The following PTPRN2 variants were observed in gnomAD, a reference collection of about 807,000 sequenced individuals.
PTPRN2 encodes the protein receptor-type tyrosine-protein phosphatase N2.
PTPRN2 carries 74 observed loss-of-function variants against 118.8 expected under a neutral mutation model. The observed-to-expected ratio is 0.62, with a 90% CI of 0.52 to 0.76. PTPRN2 has a LOEUF of 0.76. PTPRN2 is among the 30% of genes least tolerant of loss of function. The probability of loss-of-function intolerance (pLI) is 0.00; values close to 1 mark genes in which losing one functional copy is unlikely to be tolerated. For missense variants in PTPRN2, 1,481 were observed against 1,394.4 expected, an observed-to-expected ratio of 1.06 and a Z score of -0.99; for synonymous variants, 641 against 608.0, an observed-to-expected ratio of 1.05 and a Z score of -0.80.
intron 3 of PTPRN2, among the ~76,000 whole-genome samples, chr7:158,311,982 G>GACACCCACACACATGCAC (rs1801798104): frequency 6.6e-6 from 1 of 151,300 alleles, no homozygotes. Context: ...CTCACATGTA[G>GACACCCACACACATGCAC]ACACCCACAC....
At chr7:157,940,933 C>T (rs1490464190) in intron 11 of PTPRN2, among the ~76,000 whole-genome samples, 1 of 50,052 alleles carries the variant, frequency 2.0e-5, no homozygotes, top group Non-Finnish European at 3.1e-5. Context: ...AAATCTAACA[C>T]CCTCCCCACC....
intron 2 of PTPRN2, among the ~76,000 whole-genome samples, chr7:158,330,860 A>T (rs1387227046): frequency 2.0e-5 from 2 of 99,584 alleles, no homozygotes; most frequent in East Asian, 3.3e-4. Flanking sequence ...ATAAGAGCTG[A>T]TGCCCGCAGA....
intron 11 of PTPRN2, among the ~76,000 whole-genome samples, chr7:157,968,382 C>T (rs917599784): frequency 1.3e-5 from 2 of 152,174 alleles, no homozygotes; most frequent in Non-Finnish European, 2.9e-5. Context: ...TGACTGGCAT[C>T]GTCTGCAGTA....
At position 157,540,265 on chromosome 7, in the gene PTPRN2, C is replaced by G. The variant is rs1330785370; in HGVS notation, c.*449G>C. 1 of 153,858 alleles carries G rather than the reference C, an allele frequency of 6.5e-6. No homozygotes were observed. Among genetic ancestry groups the G allele is most frequent in the Non-Finnish European group, 1.4e-5 (1 of 69,264 alleles). The allele number at this position is 153,858 out of a possible 1,614,324, so 9.5% of individuals were successfully genotyped here. A position where few individuals can be genotyped will look rare whatever the true frequency, so the allele number is the denominator to read the frequency against. ...TGATAAACTCTCTCAAAGAGAAATG[C>G]CAAACGTGCCTTGTGTGCCGGGCGG... On this transcript the variant is annotated 3_prime_UTR_variant, in exon 23 of 23. Transcript: ENST00000389418.
At chr7:157,800,992 T>C (rs570133347) in intron 12 of PTPRN2, among the ~76,000 whole-genome samples, 3 of 150,582 alleles carry the variant, frequency 2.0e-5, no homozygotes, top group East Asian at 1.9e-4. Context: ...TACACACACA[T>C]ATATATACAC....
At chr7:157,773,533 G>C (rs1405289002) in intron 12 of PTPRN2, among the ~76,000 whole-genome samples, 2 of 152,182 alleles carry the variant, frequency 1.3e-5, no homozygotes, top group South Asian at 4.1e-4. Context: ...AGCCCGCTGC[G>C]AGGGCCAGGG....
At chr7:157,895,549 A>G (rs918490619) in intron 12 of PTPRN2, among the ~76,000 whole-genome samples, 3 of 152,268 alleles carry the variant, frequency 2.0e-5, no homozygotes, top group African/African-American at 7.2e-5. Context: ...ATTACTAAAT[A>G]AAAATTTTTT....
chr7:157,899,657 T>C (rs544154516), intron 11 of PTPRN2, among the ~76,000 whole-genome samples: 4 of 152,192 alleles, frequency 2.6e-5, no homozygotes, highest in Non-Finnish European at 5.9e-5. Context: ...TAATCTGGGG[T>C]AATGAAATTA....
At chr7:158,557,328 G>GCGGCTCCCGCGCAGGTCAGA (rs1827104146) in intron 1 of PTPRN2, among the ~76,000 whole-genome samples, 1 of 136,406 alleles carries the variant, frequency 7.3e-6, no homozygotes, top group East Asian at 2.2e-4. Flanking sequence ...CGCAGGGCAG[G>GCGGCTCCCGCGCAGGTCAGA]CGGCTCCCGC....
intron 12 of PTPRN2, among the ~76,000 whole-genome samples, chr7:157,796,355 T>C (rs1804868078): frequency 6.6e-6 from 1 of 152,186 alleles, no homozygotes; most frequent in Admixed American, 6.5e-5. Flanking sequence ...GTGACATCCC[T>C]GTGGGGCCTT....
chr7:158,132,692 C>T (rs1051600232), intron 9 of PTPRN2, among the ~76,000 whole-genome samples: 8 of 151,936 alleles, frequency 5.3e-5, no homozygotes, highest in Non-Finnish European at 1.0e-4. Context: ...CACACATCTA[C>T]CCAACACACA....
At chr7:158,167,388 A>G in intron 5 of PTPRN2, 97 bp from the exon 6 acceptor site, 2 of 1,456,442 alleles carry the variant, frequency 1.4e-6, no homozygotes, top group Admixed American at 4.2e-5. Context: ...AAGGTCCTAA[A>G]CAGCCCTGGG....
At chr7:158,441,645 A>G (rs1461764766) in intron 2 of PTPRN2, among the ~76,000 whole-genome samples, 434 of 120,580 alleles carry the variant, frequency 3.6e-3, no homozygotes, top group African/African-American at 0.013. Context: ...TGGTGATGGC[A>G]ATGGTGGTGA....
intron 3 of PTPRN2, among the ~76,000 whole-genome samples, chr7:158,246,064 T>G: frequency 6.6e-6 from 1 of 152,116 alleles, no homozygotes; most frequent in East Asian, 1.9e-4. Context: ...CCTCCAGGGA[T>G]GACCCAGGAT....
At chr7:158,583,394 G>A (rs10275533) in intron 1 of PTPRN2, among the ~76,000 whole-genome samples, 34,499 of 151,878 alleles carry the variant, frequency 0.23, 4,342 homozygotes, top group East Asian at 0.44. Context: ...AGAGATTCCC[G>A]CTGTGCACCA....
intron 2 of PTPRN2, among the ~76,000 whole-genome samples, chr7:158,352,830 G>T (rs569495241): frequency 3.7e-4 from 57 of 152,326 alleles, no homozygotes; most frequent in African/African-American, 1.2e-3. Context: ...TAGATTTTTC[G>T]AATGGAGACA....
intron 3 of PTPRN2, among the ~76,000 whole-genome samples, chr7:158,250,523 A>T (rs1293870533): frequency 1.3e-5 from 2 of 151,980 alleles, no homozygotes; most frequent in African/African-American, 4.8e-5. Flanking sequence ...ACATGTACAC[A>T]CCCATGTACA....
chr7:157,824,315 G>A (rs1038294378), intron 12 of PTPRN2, among the ~76,000 whole-genome samples: 1 of 152,224 alleles, frequency 6.6e-6, no homozygotes, highest in African/African-American at 2.4e-5. Context: ...TGTGCCGACC[G>A]CTGCCAGAGA....
At chr7:158,457,751 C>T (rs991141923) in intron 2 of PTPRN2, among the ~76,000 whole-genome samples, 1 of 144,010 alleles carries the variant, frequency 6.9e-6, no homozygotes, top group Admixed American at 6.8e-5. Flanking sequence ...GGTGCTACCT[C>T]GGCCTGCGGG....
Sources: allele counts gnomAD v4.1 joint callset (sites outside exome capture counted in the v4.1 genomes callset), GRCh38; gene constraint gnomAD v4.1.1; transcripts MANE v1.5; gene names NCBI Gene and HGNC (gene_info 2026-07-23, HGNC 2026-07-21).